Variants in ZNF570 observed in about 807,000 individuals in gnomAD.
ZNF570 encodes the protein zinc finger protein 570.
In ZNF570, 8 loss-of-function variants were observed where a neutral mutation model predicts 14.2. The ratio of observed to expected loss-of-function variants is 0.56; its 90% confidence interval spans 0.33 to 1.02. ZNF570 has a LOEUF of 1.02. Among genes scored for constraint, ZNF570 ranks in the 50% least tolerant of loss-of-function variants. ZNF570 has a pLI of 0.03. For synonymous variants in ZNF570, 202 were observed against 207.6 expected (o/e 0.97, Z 0.23); for missense variants, 559 against 624.9 (o/e 0.89, Z 1.12).
At chr19:37,473,738 G>A (rs1482716756) in intron 2 of ZNF570, among the ~76,000 whole-genome samples, 2 of 152,148 alleles carry the variant, frequency 1.3e-5, no homozygotes, top group East Asian at 3.9e-4. Context: ...CGAGGTTGTG[G>A]GGAGTATTAT....
Position 37,470,283 on chromosome 19 carries a change from A to G in ZNF570, c.-51-21A>G, listed in dbSNP as rs1406297793. On this transcript the variant is annotated intron_variant, in intron 1 of 4. Coordinates refer to ENST00000330173, the MANE Select transcript of ZNF570 (RefSeq NM_144694.5). ...TGCTGCAAGAAAAGTCTAGTTTCTC[A>G]TGTTCTTTTCCCCATCTCAGTCATC... 1.9e-6 allele frequency: 3 copies of G among 1,610,360 alleles called. No homozygotes were observed. The South Asian group carries it at 3.3e-5, about 18-fold the overall frequency.
Position 37,484,612 on chromosome 19 carries a change from T to A in ZNF570, c.990T>A (p.Tyr330Ter), listed in dbSNP as rs2042128803. Residue 330 changes from tyrosine to a stop codon, truncating the protein, a stop_gained, in exon 5 of 5, where the codon TAT becomes TAA. Coordinates refer to ENST00000330173, the MANE Select transcript of ZNF570 (RefSeq NM_144694.5). LOFTEE classifies it low-confidence loss of function (END_TRUNC). Reference protein sequence around the residue: ...HQRVHTGEKPYECIECGKAFS... With the variant: ...HQRVHTGEKP ...GAGTTCACACGGGAGAGAAACCCTA[T>A]GAATGTATCGAATGTGGGAAAGCAT... 1.9e-6 allele frequency: 3 copies of A among 1,613,880 alleles called. No individual in the cohort carries two copies. The highest frequency in any genetic ancestry group is 2.5e-6 in the Non-Finnish European group (3 of 1,179,954).
upstream of ZNF570, chr19:37,468,080 T>TG: frequency 2.8e-6 from 2 of 720,760 alleles, no homozygotes; most frequent in East Asian, 5.5e-5. Flanking sequence ...TGTTTTTTTT[T>TG]TTTTGTTTGT....
chr19:37,484,877 T>A lies in ZNF570; in HGVS notation c.1255T>A (p.Cys419Ser), dbSNP rs992537598. The change falls in exon 5 of 5, where the codon TGT becomes AGT. Residue 419 changes from cysteine (C) to serine (S), a missense_variant. Physicochemically the swap from Cys to Ser is moderately radical, Grantham distance 112. Coordinates refer to ENST00000330173, the MANE Select transcript of ZNF570 (RefSeq NM_144694.5). ...TGEKPYKCQE[C>S]RKAFSQIAYL... ...AGAAAAACCTTATAAGTGTCAGGAA[T>A]GTAGGAAAGCATTCAGCCAGATTGC... 6.2e-7 allele frequency: 1 copy of A among 1,613,718 alleles called. No individual in the cohort carries two copies. The highest frequency in any genetic ancestry group is 1.7e-5 in the Admixed American group (1 of 59,972).
At position 37,483,967 on chromosome 19, in the gene ZNF570, T is replaced by C; in HGVS notation, c.345T>C (p.Leu115=). Residue 115 remains leucine (L), a synonymous_variant, in exon 5 of 5, where the codon CTT becomes CTC. Transcript: ENST00000330173. ...AATCCCAGAAGATAATAGAAACACT[T>C]ACAAGCTATAACCTTGAATACTCCA... ...EHQSQKIIET[L]TSYNLEYSSL... 1 of 1,613,928 alleles carries C rather than the reference T, an allele frequency of 6.2e-7. No homozygotes were observed. Among genetic ancestry groups the C allele is most frequent in the Non-Finnish European group, 8.5e-7 (1 of 1,179,996 alleles).
In ZNF570 at chr19:37,469,509, C is replaced by T. The variant is rs1401293585; in HGVS notation, c.-100C>T. Reference sequence around the variant, plus strand: ...GTGGGCTGAGGAGTGGCGTGTGGGTCTCCGGAAGCTCGTCGCAGGCCATCT... The same window carrying T: ...GTGGGCTGAGGAGTGGCGTGTGGGTTTCCGGAAGCTCGTCGCAGGCCATCT... On this transcript the variant is annotated 5_prime_UTR_variant, in exon 1 of 5. Transcript: ENST00000330173. 1.3e-6 allele frequency: 2 copies of T among 1,536,458 alleles called. No individual in the cohort carries two copies. Among genetic ancestry groups the T allele is most frequent in the South Asian group, 2.4e-5 (2 of 84,066 alleles).
chr19:37,482,493 T>C (rs1285540725), intron 4 of ZNF570, among the ~76,000 whole-genome samples: 4 of 152,144 alleles, frequency 2.6e-5, no homozygotes, highest in African/African-American at 9.7e-5. Context: ...GAATTCGCTA[T>C]CATGACACTA....
chr19:37,469,479 CGGGAGT>C lies in ZNF570; in HGVS notation c.-126_-121del. 1 of 1,536,368 alleles carries C rather than the reference CGGGAGT, an allele frequency of 6.5e-7. No homozygotes were observed. The highest frequency in any genetic ancestry group is 8.7e-7 in the Non-Finnish European group (1 of 1,146,888). Reference sequence around the variant, plus strand: ...CTTCCACCAGTTCTGTTCTGCAGGTCGGGAGTGGGCTGAGGAGTGGCGTGTGGGTCT... The same window carrying C: ...CTTCCACCAGTTCTGTTCTGCAGGTCGGGCTGAGGAGTGGCGTGTGGGTCT... On this transcript the variant is annotated 5_prime_UTR_variant, in exon 1 of 5. Transcript: ENST00000330173.
In ZNF570 at chr19:37,469,363, T is replaced by G. The variant is rs963166682; in HGVS notation, c.-246T>G. On this transcript the variant is annotated 5_prime_UTR_variant, in exon 1 of 5. Transcript: ENST00000330173. ...GGCGGAGGCAGCTGAGGCGCTTCTT[T>G]CCGGGCCCGTAAGGGCTGGGTTCCA... 1.4e-6 allele frequency: 2 copies of G among 1,434,120 alleles called. No individual in the cohort carries two copies. The highest frequency in any genetic ancestry group is 2.9e-5 in the African/African-American group (2 of 69,910). The allele number at this position is 1,434,120 out of a possible 1,614,324, so 88.8% of individuals were successfully genotyped here. A position where few individuals can be genotyped will look rare whatever the true frequency, so the allele number is the denominator to read the frequency against.
At chr19:37,482,034 G>C (rs1326289722) in intron 4 of ZNF570, among the ~76,000 whole-genome samples, 1 of 152,140 alleles carries the variant, frequency 6.6e-6, no homozygotes, top group Non-Finnish European at 1.5e-5. Context: ...TACAGTATTT[G>C]TCCTTTTGTG....
In ZNF570 at chr19:37,471,186, T is replaced by G. The variant is rs558771230; in HGVS notation, c.33+799T>G. 2.6e-5 allele frequency among the ~76,000 whole-genome samples: 4 copies of G among 151,620 alleles called. No homozygotes were observed. In the East Asian group the frequency reaches 7.8e-4, roughly 30 times the overall value. On this transcript the variant is annotated intron_variant, in intron 2 of 4. Coordinates refer to ENST00000330173, the MANE Select transcript of ZNF570 (RefSeq NM_144694.5). ...CCACCACCACGCCTGGCTAATTTTT[T>G]GTATTTTTAGTAGAGACGGGATTTC...
At chr19:37,470,110 G>C (rs2041930397) in intron 1 of ZNF570, 194 bp from the exon 2 acceptor site, 1 of 525,186 alleles carries the variant, frequency 1.9e-6, no homozygotes, top group Non-Finnish European at 3.4e-6. Context: ...AACATCTGTT[G>C]TTAACCTAAG....
In ZNF570 at chr19:37,469,438, G is replaced by C; in HGVS notation, c.-171G>C. On this transcript the variant is annotated 5_prime_UTR_variant, in exon 1 of 5. Transcript: ENST00000330173. The stretch of plus-strand genomic sequence containing the variant: ...CCGAGTGCAGATTCCCCGAGCCTTC[G>C]GGGCAGGAAGGAGATCTTCCACCAG... 6.5e-7 allele frequency: 1 copy of C among 1,534,618 alleles called. No individual in the cohort carries two copies. Among genetic ancestry groups the C allele is most frequent in the Non-Finnish European group, 8.7e-7 (1 of 1,145,734 alleles).
intron 4 of ZNF570, among the ~76,000 whole-genome samples, chr19:37,481,909 G>T (rs1194695824): frequency 6.6e-6 from 1 of 152,142 alleles, no homozygotes; most frequent in Non-Finnish European, 1.5e-5. Context: ...GCAGCTAAAA[G>T]AAAGTTTTTC....
At chr19:37,478,324 T>C (rs2042049824) in intron 4 of ZNF570, among the ~76,000 whole-genome samples, 1 of 152,172 alleles carries the variant, frequency 6.6e-6, no homozygotes, top group Non-Finnish European at 1.5e-5. Flanking sequence ...ATTAAACATA[T>C]TAGTTTTGTT....
rs775279618 is a variant in ZNF570, at chr19:37,484,276, G to C, written c.654G>C (p.Leu218Phe). 6.2e-6 allele frequency: 10 copies of C among 1,613,060 alleles called. No homozygotes were observed. In the Admixed American group the frequency reaches 1.3e-4, roughly 22 times the overall value. ...PKSVCAEKKL[L>F]KCNDCEKVFS... ...GTGTCTGTGCAGAGAAGAAACTTTT[G>C]AAATGTAATGACTGTGAAAAAGTCT... is the stretch of plus-strand genomic sequence containing the variant. Residue 218 changes from leucine to phenylalanine, a missense_variant, in exon 5 of 5, where the codon TTG becomes TTC. By Grantham distance (22) the Leu-to-Phe change is conservative (BLOSUM62 0). Coordinates refer to ENST00000330173, the MANE Select transcript of ZNF570 (RefSeq NM_144694.5).
At chr19:37,469,139 C>T, upstream of ZNF570, 1 of 1,112,544 alleles carries the variant, frequency 9.0e-7, no homozygotes, top group Non-Finnish European at 1.1e-6. Flanking sequence ...GCAGGGAATC[C>T]GGACTTTCGG....
rs1458548968 is a variant in ZNF570 at position 37,487,594 on chromosome 19, CAAG to C, written c.*2362_*2364del. The C allele has an allele frequency of 6.6e-6, 1 of 152,110 alleles. No homozygotes were observed. Among genetic ancestry groups the C allele is most frequent in the Non-Finnish European group, 1.5e-5 (1 of 68,016 alleles). The allele number at this position is 152,110 out of a possible 1,614,324, so 9.4% of individuals were successfully genotyped here. A position where few individuals can be genotyped will look rare whatever the true frequency, so the allele number is the denominator to read the frequency against. On this transcript the variant is annotated 3_prime_UTR_variant, in exon 5 of 5. Coordinates refer to ENST00000330173, the MANE Select transcript of ZNF570 (RefSeq NM_144694.5). The stretch of plus-strand genomic sequence containing the variant: ...ACGGAAGAGTAACAAGAAACTAAAT[CAAG>C]GAGCATTATATAGCCTAGACTGCAG...
chr19:37,471,220 A>C (rs868658634), intron 2 of ZNF570, among the ~76,000 whole-genome samples: 1 of 150,048 alleles, frequency 6.7e-6, no homozygotes, highest in Non-Finnish European at 1.5e-5. Context: ...TCACCATGTT[A>C]GCCAGGATGG....
Sources: allele counts gnomAD v4.1 joint callset (sites outside exome capture counted in the v4.1 genomes callset), GRCh38; gene constraint gnomAD v4.1.1; transcripts MANE v1.5; gene names NCBI Gene and HGNC (gene_info 2026-07-23, HGNC 2026-07-21).